The following MCPH1 variants were observed in gnomAD, a reference collection of about 807,000 sequenced individuals.
MCPH1 encodes the protein microcephalin 1.
Under a neutral mutation model 84.5 loss-of-function variants are expected in MCPH1, and 104 were observed. The observed-to-expected ratio is 1.23, with a 90% CI of 1.05 to 1.45. The LOEUF (loss-of-function observed/expected upper bound fraction) is 1.45. MCPH1 is among the 40% of genes most tolerant of loss of function. The pLI is 0.00. For missense variants in MCPH1, 1,498 were observed against 1,005.7 expected (o/e 1.49, Z -6.62); for synonymous variants, 514 against 366.8 (o/e 1.40, Z -4.58).
rs57915450 is a variant in MCPH1 at position 6,413,031 on chromosome 8, T to G, written c.115-1734T>G. On this transcript the variant is annotated intron_variant, in intron 2 of 13. Coordinates refer to ENST00000344683, the MANE Select transcript of MCPH1 (RefSeq NM_024596.5). ...TTCCAAGCATTGTACATATATTACT[T>G]CAGTATAATTGAATGCTATAAAAAT... Among the ~76,000 whole-genome samples the G allele has an allele frequency of 0.016, 2,494 of 152,306 alleles. 116 individuals carry two copies. The East Asian group carries it at 0.18, about 11-fold the overall frequency.
intron 12 of MCPH1, among the ~76,000 whole-genome samples, chr8:6,549,439 G>A (rs1280109489): frequency 6.6e-6 from 1 of 152,226 alleles, no homozygotes; most frequent in Non-Finnish European, 1.5e-5. Context: ...GATTGGCGTT[G>A]AGAAGAGGGG....
intron 3 of MCPH1, 106 bp from the exon 4 acceptor site, chr8:6,431,393 C>G: frequency 1.2e-6 from 1 of 812,320 alleles, no homozygotes; most frequent in Non-Finnish European, 2.1e-6. Flanking sequence ...GTTAAAATGA[C>G]CTAGCTATGG....
At chr8:6,535,605 A>G (rs1820339436) in intron 12 of MCPH1, among the ~76,000 whole-genome samples, 1 of 152,232 alleles carries the variant, frequency 6.6e-6, no homozygotes, top group Non-Finnish European at 1.5e-5. Flanking sequence ...TATAGTGTCT[A>G]TAAATATATA....
intron 12 of MCPH1, among the ~76,000 whole-genome samples, chr8:6,514,113 G>C (rs79324428): frequency 3.0e-3 from 464 of 152,318 alleles, no homozygotes; most frequent in Middle Eastern, 6.8e-3. Context: ...AAACAGCTCA[G>C]TTCATGGGAA....
intron 3 of MCPH1, among the ~76,000 whole-genome samples, chr8:6,428,750 C>CAT (rs1801424271): frequency 8.1e-6 from 1 of 123,496 alleles, no homozygotes; most frequent in Non-Finnish European, 2.0e-5. Flanking sequence ...CGCACGCACA[C>CAT]ACACACACAC....
chr8:6,441,434 T>C (rs777027166), intron 6 of MCPH1, among the ~76,000 whole-genome samples: 1 of 152,236 alleles, frequency 6.6e-6, no homozygotes, highest in African/African-American at 2.4e-5. Context: ...AAGTATCCTT[T>C]TGAGTCTCTA....
rs144561524 is a variant in MCPH1 at position 6,637,635 on chromosome 8, A to G, written c.2453-5359A>G. On this transcript the variant is annotated intron_variant, in intron 13 of 13. Coordinates refer to ENST00000344683, the MANE Select transcript of MCPH1 (RefSeq NM_024596.5). ...TTAAGTGGGAGGATTAGGCTGCGGT[A>G]TATGTTTGTTTACTCTGTTTGTGTT... 6.2e-4 allele frequency among the ~76,000 whole-genome samples: 94 copies of G among 152,240 alleles called. 3 individuals are homozygous for G. Among genetic ancestry groups the G allele is most frequent in the Admixed American group, 5.4e-3 (83 of 15,290 alleles).
intron 13 of MCPH1, among the ~76,000 whole-genome samples, chr8:6,637,147 G>C (rs902159381): frequency 2.6e-5 from 4 of 152,186 alleles, no homozygotes; most frequent in Admixed American, 6.5e-5. Context: ...CATATGCCGA[G>C]CATATCCTAG....
intron 12 of MCPH1, among the ~76,000 whole-genome samples, chr8:6,578,056 C>T (rs1827258933): frequency 6.6e-6 from 1 of 152,184 alleles, no homozygotes; most frequent in Admixed American, 6.5e-5. Flanking sequence ...AGCCTCACTC[C>T]CCTGCTCAGT....
intron 12 of MCPH1, among the ~76,000 whole-genome samples, chr8:6,572,074 G>A (rs766597840): frequency 2.6e-5 from 4 of 151,864 alleles, no homozygotes; most frequent in African/African-American, 7.3e-5. Context: ...TTCAAGTAAG[G>A]GGTCTAAAAG....
intron 12 of MCPH1, among the ~76,000 whole-genome samples, chr8:6,588,781 C>G (rs1828204192): frequency 6.6e-6 from 1 of 152,268 alleles, no homozygotes; most frequent in Admixed American, 6.5e-5. Flanking sequence ...GCTCCTCTCT[C>G]CTCTCTGCCC....
At chr8:6,465,040 G>A (rs765881689) in intron 9 of MCPH1, among the ~76,000 whole-genome samples, 2 of 151,916 alleles carry the variant, frequency 1.3e-5, no homozygotes, top group Non-Finnish European at 2.9e-5. Context: ...GGCATTCTAT[G>A]CACTGAGCAA....
At chr8:6,465,332 G>C (rs981379133) in intron 9 of MCPH1, among the ~76,000 whole-genome samples, 1 of 152,154 alleles carries the variant, frequency 6.6e-6, no homozygotes, top group African/African-American at 2.4e-5. Context: ...CTCTCGTTTA[G>C]GCAGCGGCCA....
chr8:6,536,801 T>A (rs369959102), intron 12 of MCPH1, among the ~76,000 whole-genome samples: 2 of 152,222 alleles, frequency 1.3e-5, no homozygotes, highest in East Asian at 3.9e-4. Context: ...ACCTTGAAAT[T>A]TCCCTGTCTC....
chr8:6,553,856 G>T (rs1824118485), intron 12 of MCPH1, among the ~76,000 whole-genome samples: 1 of 152,012 alleles, frequency 6.6e-6, no homozygotes, highest in Non-Finnish European at 1.5e-5. Context: ...CACTGGCTGT[G>T]GATTTACATG....
intron 12 of MCPH1, among the ~76,000 whole-genome samples, chr8:6,505,329 A>ATG (rs1813240006): frequency 1.8e-5 from 1 of 56,264 alleles, no homozygotes; most frequent in Non-Finnish European, 3.1e-5. Context: ...TGTTATATAC[A>ATG]TATAGAAAGA....
At chr8:6,484,735 G>A (rs1212402697) in intron 11 of MCPH1, among the ~76,000 whole-genome samples, 1 of 152,222 alleles carries the variant, frequency 6.6e-6, no homozygotes, top group Admixed American at 6.5e-5. Context: ...ACTCTCAGGG[G>A]CATCATGCCA....
intron 9 of MCPH1, among the ~76,000 whole-genome samples, chr8:6,460,495 C>A (rs569464844): frequency 1.3e-5 from 2 of 152,092 alleles, no homozygotes; most frequent in Non-Finnish European, 2.9e-5. Flanking sequence ...GGATTACAGG[C>A]GGGAGCCTTC....
At chr8:6,457,214 G>C (rs1042364333) in intron 9 of MCPH1, among the ~76,000 whole-genome samples, 1 of 152,096 alleles carries the variant, frequency 6.6e-6, no homozygotes, top group African/African-American at 2.4e-5. Flanking sequence ...AGTAAACTTT[G>C]CCCTCATAAT....
Sources: gnomAD v4.1 joint callset for allele counts (sites outside exome capture counted in the v4.1 genomes callset) on GRCh38, gnomAD v4.1.1 for gene constraint, MANE v1.5 for transcripts, NCBI Gene and HGNC (gene_info 2026-07-23, HGNC 2026-07-21) for gene names.